Variants in LVRN observed in about 807,000 individuals in gnomAD.
The protein encoded by LVRN is aminopeptidase Q.
LVRN carries 99 observed loss-of-function variants against 111.4 expected under a neutral mutation model. The observed-to-expected ratio is 0.89, with a 90% confidence interval of 0.76 to 1.05. The LOEUF is 1.05. Ranked by LOEUF, LVRN falls within the 50% of genes least tolerant of loss-of-function variation. The pLI is 0.00. For missense variants in LVRN, 1,414 were observed against 1,206.8 expected (o/e 1.17, Z -2.54); for synonymous variants, 488 against 449.5 (o/e 1.09, Z -1.08).
rs760170484 is a variant in LVRN at position 115,984,682 on chromosome 5, C to A, written c.951C>A (p.His317Gln). 6.2e-7 allele frequency: 1 copy of A among 1,613,534 alleles called. No homozygotes were observed. The highest frequency in any genetic ancestry group is 8.5e-7 in the Non-Finnish European group (1 of 1,179,706). The change falls in exon 3 of 20, where the codon CAC (histidine) becomes CAA (glutamine). Residue 317 changes from histidine (H) to glutamine (Q), a missense_variant. Physicochemically the swap from His to Gln is conservative, Grantham distance 24 (BLOSUM62 0). Transcript: ENST00000357872. ...LVAFVICDYDHVNRTERGKEI... is the reference protein window; with the variant it reads ...LVAFVICDYDQVNRTERGKEI... Reference sequence around the variant, plus strand: ...CATTTGTTATATGTGACTATGACCACGTCAACAGAACAGAAAGGGGCAAGG... The same window carrying A: ...CATTTGTTATATGTGACTATGACCAAGTCAACAGAACAGAAAGGGGCAAGG...
intron 10 of LVRN, among the ~76,000 whole-genome samples, chr5:116,002,250 C>T (rs1423322857): frequency 6.6e-6 from 1 of 152,118 alleles, no homozygotes; most frequent in Admixed American, 6.5e-5. Context: ...AAATATTGCC[C>T]AAACTCTGAG....
chr5:115,987,746 A>G, intron 3 of LVRN, 67 bp from the exon 4 acceptor site: 2 of 1,537,482 alleles, frequency 1.3e-6, no homozygotes, highest in Non-Finnish European at 1.8e-6. Context: ...GAATTGGAGC[A>G]AGCAGACTAC....
chr5:115,967,700 CT>C (rs950333406), intron 1 of LVRN, among the ~76,000 whole-genome samples: 2 of 152,120 alleles, frequency 1.3e-5, no homozygotes, highest in African/African-American at 2.4e-5. Context: ...GAATTGCTAG[CT>C]TTGCTATCCT....
At chr5:115,968,800 A>G (rs1753258050) in intron 1 of LVRN, among the ~76,000 whole-genome samples, 1 of 152,244 alleles carries the variant, frequency 6.6e-6, no homozygotes, top group South Asian at 2.1e-4. Flanking sequence ...ATTCCCAGGA[A>G]AAATCAGCTG....
intron 1 of LVRN, among the ~76,000 whole-genome samples, chr5:115,966,393 G>T (rs559176994): frequency 9.2e-4 from 140 of 152,310 alleles, no homozygotes; most frequent in South Asian, 4.1e-3. Flanking sequence ...TCTTTTTATT[G>T]CTAAGTACTA....
intron 13 of LVRN, among the ~76,000 whole-genome samples, chr5:116,007,852 A>G (rs942265012): frequency 1.3e-5 from 2 of 152,128 alleles, no homozygotes; most frequent in African/African-American, 4.8e-5. Flanking sequence ...CTTTTTCATG[A>G]TTGTTATATC....
At chr5:115,987,201 G>C (rs1747888583) in intron 3 of LVRN, among the ~76,000 whole-genome samples, 1 of 152,118 alleles carries the variant, frequency 6.6e-6, no homozygotes, top group Middle Eastern at 3.2e-3. Flanking sequence ...ACTTGCTAAA[G>C]TGGAAGTGTC....
At chr5:115,993,444 T>C (rs1342147451) in intron 5 of LVRN, among the ~76,000 whole-genome samples, 2 of 152,230 alleles carry the variant, frequency 1.3e-5, no homozygotes, top group African/African-American at 4.8e-5. Flanking sequence ...TTGGGCCAAG[T>C]GGACAGTTTA....
intron 1 of LVRN, chr5:115,976,306 A>C (rs1470615588): frequency 6.6e-6 from 1 of 152,262 alleles, no homozygotes; most frequent in Non-Finnish European, 1.5e-5. Context: ...GAGTAAGTGC[A>C]TCTGACCAGC....
chr5:115,969,531 C>T (rs994860241), intron 1 of LVRN, among the ~76,000 whole-genome samples: 12 of 152,118 alleles, frequency 7.9e-5, no homozygotes, highest in Non-Finnish European at 7.4e-5. Context: ...GGTATGGTGG[C>T]TCACGCCTGT....
chr5:115,989,402 G>T (rs1747937529), intron 4 of LVRN, among the ~76,000 whole-genome samples: 1 of 152,054 alleles, frequency 6.6e-6, no homozygotes, highest in Non-Finnish European at 1.5e-5. Flanking sequence ...TCTATCCACT[G>T]GTTAATTCAA....
chr5:116,011,031 G>A (rs1366204), intron 14 of LVRN, 137 bp downstream of exon 14: 139,204 of 237,376 alleles, frequency 0.59, 43,727 homozygotes, highest in East Asian at 0.91. Context: ...ATATATGGAA[G>A]TATATACATT....
chr5:116,013,440 G>A (rs1205820221), intron 15 of LVRN, among the ~76,000 whole-genome samples: 1 of 152,110 alleles, frequency 6.6e-6, no homozygotes, highest in East Asian at 1.9e-4. Context: ...GACTGAAGTA[G>A]CCTACTTTTT....
chr5:115,973,765 T>G (rs1753377007), intron 1 of LVRN, among the ~76,000 whole-genome samples: 1 of 152,204 alleles, frequency 6.6e-6, no homozygotes, highest in African/African-American at 2.4e-5. Flanking sequence ...TTATTCCTGA[T>G]ATTGGAAATT....
intron 9 of LVRN, 25 bp from the exon 10 acceptor site, chr5:116,001,042 C>A (rs770558868): frequency 6.4e-7 from 1 of 1,573,338 alleles, no homozygotes; most frequent in Admixed American, 2.1e-5. Flanking sequence ...ACCTTACCTG[C>A]CTTTGTGGTG....
At chr5:115,986,936 A>G (rs1013850942) in intron 3 of LVRN, among the ~76,000 whole-genome samples, 9 of 152,162 alleles carry the variant, frequency 5.9e-5, no homozygotes, top group African/African-American at 1.2e-4. Context: ...CAGGACAAAT[A>G]TTTTAATTAT....
intron 6 of LVRN, among the ~76,000 whole-genome samples, chr5:115,998,411 A>AT (rs1748166420): frequency 6.6e-6 from 1 of 152,258 alleles, no homozygotes; most frequent in African/African-American, 2.4e-5. Context: ...AATGAGCAAG[A>AT]TAAAAAGTTT....
intron 10 of LVRN, among the ~76,000 whole-genome samples, chr5:116,001,592 A>T (rs1339293687): frequency 6.6e-6 from 1 of 152,210 alleles, no homozygotes; most frequent in East Asian, 1.9e-4. Flanking sequence ...AGTAAAGAGG[A>T]AAGGAAGTCT....
Position 116,010,871 on chromosome 5 carries a change from T to C in LVRN, c.2224T>C (p.Tyr742His), listed in dbSNP as rs1382530428. The change falls in exon 14 of 20, where the codon TAT becomes CAT. Residue 742 changes from tyrosine (Y) to histidine (H), a missense_variant. Tyr to His is a moderately conservative substitution (Grantham distance 83). Transcript: ENST00000357872. ...TRDLVSEVNIYDIYSLLKRYL... is the reference protein window; with the variant it reads ...TRDLVSEVNIHDIYSLLKRYL... ...GGATCTTGTTTCTGAGGTGAACATCTATGATATATACTCATTATTAAAGGT... is the reference window on the plus strand; with the variant it reads ...GGATCTTGTTTCTGAGGTGAACATCCATGATATATACTCATTATTAAAGGT... The C allele has an allele frequency of 1.2e-6, 2 of 1,607,080 alleles. No individual in the cohort carries two copies. The highest frequency in any genetic ancestry group is 1.7e-6 in the Non-Finnish European group (2 of 1,176,464).
Sources: gnomAD v4.1 joint callset for allele counts (sites outside exome capture counted in the v4.1 genomes callset) on GRCh38, gnomAD v4.1.1 for gene constraint, MANE v1.5 for transcripts, NCBI Gene and HGNC (gene_info 2026-07-23, HGNC 2026-07-21) for gene names.